The following CNTN4 variants were observed in gnomAD, a reference collection of about 807,000 sequenced individuals.
CNTN4 encodes contactin 4.
A neutral mutation model predicts 122.5 loss-of-function variants in CNTN4; 77 were observed. The observed-to-expected ratio is 0.63, with a 90% CI of 0.52 to 0.76. The LOEUF is 0.76. CNTN4 is among the 30% of genes least tolerant of loss of function. The pLI, the probability that CNTN4 is intolerant of heterozygous loss-of-function variation, is 0.00. For synonymous variants in CNTN4, 512 were observed against 447.0 expected, an observed-to-expected ratio of 1.15 and a Z score of -1.83; for missense variants, 1,256 against 1,259.1, an observed-to-expected ratio of 1.00 and a Z score of 0.04.
At chr3:2,314,803 A>C (rs1265893608) in intron 2 of CNTN4, among the ~76,000 whole-genome samples, 1 of 152,034 alleles carries the variant, frequency 6.6e-6, no homozygotes, top group East Asian at 1.9e-4. Context: ...CTCTAAATCT[A>C]ATAAGCAAAT....
chr3:2,375,411 T>G (rs2045779321), intron 3 of CNTN4, among the ~76,000 whole-genome samples: 1 of 152,206 alleles, frequency 6.6e-6, no homozygotes, highest in Admixed American at 6.5e-5. Context: ...TGGGTCATTT[T>G]GAAGATAGAA....
chr3:2,857,708 T>C (rs1386871968), intron 7 of CNTN4, among the ~76,000 whole-genome samples: 2 of 152,140 alleles, frequency 1.3e-5, no homozygotes, highest in Non-Finnish European at 2.9e-5. Flanking sequence ...CTCTCCAGAC[T>C]CCTGAGTAGC....
intron 4 of CNTN4, among the ~76,000 whole-genome samples, chr3:2,572,761 A>T (rs758070376): frequency 2.0e-4 from 30 of 152,224 alleles, no homozygotes; most frequent in Non-Finnish European, 4.0e-4. Flanking sequence ...ATCTGGGAAT[A>T]TAATCCTGAT....
At chr3:2,599,801 A>C in intron 4 of CNTN4, among the ~76,000 whole-genome samples, 1 of 152,142 alleles carries the variant, frequency 6.6e-6, no homozygotes, top group Non-Finnish European at 1.5e-5. Context: ...GCAGAGATCA[A>C]GTTCCTGAGG....
intron 12 of CNTN4, among the ~76,000 whole-genome samples, chr3:2,912,223 T>C (rs373381819): frequency 2.0e-5 from 3 of 152,240 alleles, no homozygotes; most frequent in Non-Finnish European, 2.9e-5. Flanking sequence ...AGTGTGCATC[T>C]GTAAGATTAT....
At chr3:2,100,106 G>T (rs2031788135) in intron 1 of CNTN4, among the ~76,000 whole-genome samples, 1 of 152,184 alleles carries the variant, frequency 6.6e-6, no homozygotes, top group South Asian at 2.1e-4. Flanking sequence ...GGGCGAGTCA[G>T]TGTGACTGAG....
chr3:2,545,818 A>T (rs912559368), intron 3 of CNTN4, among the ~76,000 whole-genome samples: 1 of 151,874 alleles, frequency 6.6e-6, no homozygotes, highest in Non-Finnish European at 1.5e-5. Context: ...TTGCTTTGTT[A>T]TCCACCTTGC....
At chr3:2,323,378 G>A (rs2043337760) in intron 2 of CNTN4, among the ~76,000 whole-genome samples, 2 of 152,172 alleles carry the variant, frequency 1.3e-5, no homozygotes, top group South Asian at 4.1e-4. Flanking sequence ...GTCTCATGGA[G>A]ATTCATGGAA....
rs1318664681 is a variant in CNTN4 at position 2,938,848 on chromosome 3, T to A, written c.1358+13069T>A. On this transcript the variant is annotated intron_variant, in intron 13 of 24. Coordinates refer to ENST00000418658, the MANE Select transcript of CNTN4 (RefSeq NM_175607.3). ...CGTGCCTTTGTTCAGAGAAAATAGC[T>A]GTGTATCATCAAGTGGAGTTAAGTG... 2.0e-5 allele frequency among the ~76,000 whole-genome samples: 3 copies of A among 152,164 alleles called. No homozygotes were observed. In the East Asian group the frequency reaches 5.8e-4, roughly 29 times the overall value.
intron 2 of CNTN4, among the ~76,000 whole-genome samples, chr3:2,145,291 A>C (rs2125366500): frequency 6.6e-6 from 1 of 152,292 alleles, no homozygotes; most frequent in Admixed American, 6.5e-5. Flanking sequence ...AGCAGTCCAC[A>C]CATTTATCAT....
intron 4 of CNTN4, among the ~76,000 whole-genome samples, chr3:2,646,172 A>G (rs992386083): frequency 1.3e-5 from 2 of 152,196 alleles, no homozygotes; most frequent in Non-Finnish European, 2.9e-5. Context: ...CATAACATAT[A>G]AAAGTATCTA....
chr3:2,916,589 C>T (rs112340754), intron 12 of CNTN4, among the ~76,000 whole-genome samples: 7,594 of 84,504 alleles, frequency 0.09, 735 homozygotes, highest in East Asian at 0.26. Context: ...TGGAGTCTCC[C>T]ATGTCTACTT....
chr3:2,500,284 T>C (rs2076562090), intron 3 of CNTN4, among the ~76,000 whole-genome samples: 1 of 152,132 alleles, frequency 6.6e-6, no homozygotes, highest in Non-Finnish European at 1.5e-5. Context: ...ATTTGCCTTC[T>C]TTTCACCCTT....
At chr3:3,003,698 A>C (rs78721930) in intron 14 of CNTN4, among the ~76,000 whole-genome samples, 38 of 138,412 alleles carry the variant, frequency 2.7e-4, no homozygotes, top group East Asian at 3.9e-4. Context: ...AAAAAAAAAA[A>C]AAAAAAAAAA....
At chr3:3,013,068 G>A (rs9850796) in intron 14 of CNTN4, among the ~76,000 whole-genome samples, 18,847 of 151,778 alleles carry the variant, frequency 0.12, 1,340 homozygotes, top group African/African-American at 0.19. Context: ...TTTCTTCCCC[G>A]TGCAAATCTT....
intron 3 of CNTN4, among the ~76,000 whole-genome samples, chr3:2,456,454 G>A (rs1394087246): frequency 2.0e-5 from 3 of 152,050 alleles, no homozygotes; most frequent in Admixed American, 6.6e-5. Context: ...ATCTCTATTA[G>A]TCCTAAAATA....
At chr3:2,123,593 C>T (rs962591231) in intron 2 of CNTN4, among the ~76,000 whole-genome samples, 8 of 152,178 alleles carry the variant, frequency 5.3e-5, no homozygotes, top group Non-Finnish European at 1.0e-4. Context: ...GCTGACCCTA[C>T]TCTCATGTTT....
In CNTN4 at chr3:3,040,037, A is replaced by G. The variant is rs778576052; in HGVS notation, c.2164A>G (p.Thr722Ala). 1 of 1,604,322 alleles carries G rather than the reference A, an allele frequency of 6.2e-7. No homozygotes were observed. The highest frequency in any genetic ancestry group is 1.1e-5 in the South Asian group (1 of 90,844). ...SKSELVITWE[T>A]VPEELQNGRG... Reference sequence around the variant, plus strand: ...GAAGACCACCTTCCTTCTTTCCCAGACGGTCCCTGAGGAATTACAGAATGG... The same window carrying G: ...GAAGACCACCTTCCTTCTTTCCCAGGCGGTCCCTGAGGAATTACAGAATGG... The change falls in exon 20 of 25, where the codon ACG becomes GCG. Residue 722 changes from threonine to alanine, a missense_variant and splice_region_variant. Transcript: ENST00000418658.
chr3:2,761,105 A>C (rs576225815), intron 6 of CNTN4, among the ~76,000 whole-genome samples: 1 of 152,292 alleles, frequency 6.6e-6, no homozygotes, highest in South Asian at 2.1e-4. Flanking sequence ...TGCATAACTA[A>C]AAGGCCCACC....
Sources: allele counts gnomAD v4.1 joint callset (sites outside exome capture counted in the v4.1 genomes callset), GRCh38; gene constraint gnomAD v4.1.1; transcripts MANE v1.5; gene names NCBI Gene and HGNC (gene_info 2026-07-23, HGNC 2026-07-21).